COL6A5: variants seen among roughly 807,000 people sequenced by gnomAD.
COL6A5 encodes the protein collagen type VI alpha 5 chain.
COL6A5 carries 48 observed loss-of-function variants against 65.6 expected under a neutral mutation model. That is an observed-to-expected ratio of 0.73 (90% CI 0.58 to 0.93). The LOEUF (loss-of-function observed/expected upper bound fraction) is 0.93, where lower values mean the gene tolerates loss of function less well. Among genes scored for constraint, COL6A5 ranks in the 40% least tolerant of loss-of-function variants. COL6A5 has a pLI of 0.00. For synonymous variants in COL6A5, 291 were observed against 322.8 expected, an observed-to-expected ratio of 0.90 and a Z score of 1.05; for missense variants, 914 against 928.3, an observed-to-expected ratio of 0.98 and a Z score of 0.20.
exon 5 of COL6A5, chr3:130,384,815 A>G (rs1463536483): frequency 1.3e-6 from 2 of 1,544,106 alleles, no homozygotes; most frequent in South Asian, 2.4e-5. Context: ...CTGTGTGGAT[A>G]CAAAAGAGGC....
At chr3:130,400,416 G>C (rs1232793320) in intron 10 of COL6A5, among the ~76,000 whole-genome samples, 5 of 152,050 alleles carry the variant, frequency 3.3e-5, no homozygotes, top group Non-Finnish European at 7.4e-5. Flanking sequence ...TACATAATAG[G>C]CTCCTATTAA....
At chr3:130,351,958 C>G (rs1934733026) in intron 1 of COL6A5, among the ~76,000 whole-genome samples, 1 of 152,104 alleles carries the variant, frequency 6.6e-6, no homozygotes, top group African/African-American at 2.4e-5. Context: ...ACATATACAC[C>G]ATGGAATACT....
intron 4 of COL6A5, among the ~76,000 whole-genome samples, 171 bp from the exon 37 acceptor site, chr3:130,455,284 A>T (rs1709544835): frequency 6.6e-6 from 1 of 152,202 alleles, no homozygotes; most frequent in Non-Finnish European, 1.5e-5. Flanking sequence ...AGTTTTAAAA[A>T]ATAATATGTA....
At chr3:130,394,849 T>C in intron 7 of COL6A5, 41 bp from the exon 8 acceptor site, 2 of 1,468,620 alleles carry the variant, frequency 1.4e-6, no homozygotes, top group Non-Finnish European at 1.8e-6. Context: ...AAATTTCGAA[T>C]GATTCATGAG....
intron 5 of COL6A5, among the ~76,000 whole-genome samples, chr3:130,385,654 T>C (rs1031031650): frequency 6.6e-6 from 1 of 152,030 alleles, no homozygotes; most frequent in African/African-American, 2.4e-5. Flanking sequence ...AGAGAGATTC[T>C]ATTCTGCATG....
exon 3 of COL6A5, chr3:130,440,258 A>G (rs1241481627): frequency 6.2e-7 from 1 of 1,613,354 alleles, no homozygotes; most frequent in Non-Finnish European, 8.5e-7. Context: ...TTCTCGGAAT[A>G]TAGCAAAGGA....
rs552968906 is a variant in COL6A5, at chr3:130,411,284, G to A, written c.4662+760G>A. Reference sequence around the variant, plus strand: ...TGTATTAAAAACTCCTCTCTCATGCGCTCAGCATGGACATCATTAGAAGAG... The same window carrying A: ...TGTATTAAAAACTCCTCTCTCATGCACTCAGCATGGACATCATTAGAAGAG... On this transcript the variant is annotated intron_variant and NMD_transcript_variant, in intron 20 of 41. Coordinates refer to the COL6A5 transcript ENST00000312481. Among the ~76,000 whole-genome samples the A allele has an allele frequency of 3.9e-5, 6 of 152,292 alleles. 1 individual carries two copies. Among genetic ancestry groups the A allele is most frequent in the Middle Eastern group, 3.4e-3 (1 of 294 alleles).
Position 130,376,234 on chromosome 3 carries a change from T to C in COL6A5, c.68-3T>C, listed in dbSNP as rs754888354. On this transcript the variant is annotated splice_polypyrimidine_tract_variant and splice_region_variant and intron_variant and NMD_transcript_variant, in intron 2 of 41. Coordinates refer to the COL6A5 transcript ENST00000312481. ...GTTTTTGCTTGTTATTTTATTTTGA[T>C]AGGGCCAGGCCCTGTGTATGCAGAT... 55 of 1,553,086 alleles carry C rather than the reference T, an allele frequency of 3.5e-5. No homozygotes were observed. The highest frequency in any genetic ancestry group is 4.6e-5 in the Non-Finnish European group (53 of 1,152,890).
At chr3:130,347,978 A>G (rs902176093) in intron 1 of COL6A5, among the ~76,000 whole-genome samples, 4 of 152,142 alleles carry the variant, frequency 2.6e-5, no homozygotes, top group South Asian at 2.1e-4. Flanking sequence ...AGTTGCAAAC[A>G]TTTTTGTTGC....
In COL6A5 at chr3:130,373,602, C is replaced by T. The variant is rs1453773101; in HGVS notation, c.-28-9C>T. 11 of 1,282,654 alleles carry T rather than the reference C, an allele frequency of 8.6e-6. No individual in the cohort carries two copies. Among genetic ancestry groups the T allele is most frequent in the Non-Finnish European group, 1.2e-5 (11 of 912,716 alleles). The allele number at this position is 1,282,654 out of a possible 1,614,324, so 79.5% of individuals were successfully genotyped here. A position where few individuals can be genotyped will look rare whatever the true frequency, so the allele number is the denominator to read the frequency against. On this transcript the variant is annotated splice_polypyrimidine_tract_variant and intron_variant and NMD_transcript_variant, in intron 1 of 41. Transcript: ENST00000312481. Reference sequence around the variant, plus strand: ...AATTTTTCATAATGTAAATAATTTTCTTTTGCAGAACAAAAGTAAAAATCT... The same window carrying T: ...AATTTTTCATAATGTAAATAATTTTTTTTTGCAGAACAAAAGTAAAAATCT...
intron 24 of COL6A5, among the ~76,000 whole-genome samples, chr3:130,417,343 T>C (rs1315622995): frequency 3.0e-4 from 45 of 152,154 alleles, no homozygotes; most frequent in Admixed American, 2.9e-3. Context: ...GATTTTCATG[T>C]TAATTCCTCA....
At chr3:130,351,986 G>A (rs1456049004) in intron 1 of COL6A5, among the ~76,000 whole-genome samples, 1 of 152,122 alleles carries the variant, frequency 6.6e-6, no homozygotes, top group African/African-American at 2.4e-5. Flanking sequence ...CATAAAAAAG[G>A]ATGAGTTCAT....
In COL6A5 at chr3:130,367,666, C is replaced by A. The variant is rs537332697; in HGVS notation, c.-28-5945C>A. 1.3e-3 allele frequency among the ~76,000 whole-genome samples: 205 copies of A among 152,192 alleles called. 1 individual carries two copies. Among genetic ancestry groups the A allele is most frequent in the Non-Finnish European group, 2.1e-3 (143 of 68,032 alleles). ...AAACTGCCTACAAAAGTGCTAAGAA[C>A]ATTGTTGGCACTTGAGGAATATTTG... is the stretch of plus-strand genomic sequence containing the variant. On this transcript the variant is annotated intron_variant and NMD_transcript_variant, in intron 1 of 41. Transcript: ENST00000312481.
At chr3:130,439,657 A>T in intron 2 of COL6A5, 42 bp downstream of exon 34, 2 of 1,337,924 alleles carry the variant, frequency 1.5e-6, no homozygotes, top group Non-Finnish European at 2.1e-6. Context: ...AAGAGCTTAA[A>T]TGCCTTCTAG....
chr3:130,360,255 G>A (rs1430295072), intron 1 of COL6A5, among the ~76,000 whole-genome samples: 1 of 152,060 alleles, frequency 6.6e-6, no homozygotes. Context: ...AGGTACCAGT[G>A]CTGAGAATAT....
exon 4 of COL6A5, chr3:130,379,944 C>T: frequency 1.3e-6 from 2 of 1,551,276 alleles, no homozygotes; most frequent in Non-Finnish European, 1.7e-6. Context: ...CGCTGAAGTC[C>T]TATGCAGACT....
At chr3:130,444,898 C>T (rs537660798) in intron 4 of COL6A5, among the ~76,000 whole-genome samples, 1 of 152,272 alleles carries the variant, frequency 6.6e-6, no homozygotes, top group South Asian at 2.1e-4. Flanking sequence ...GACCATTTCC[C>T]ATGAATGATC....
chr3:130,479,428 A>AACAAAC (rs1326337204), intron 7 of COL6A5, among the ~76,000 whole-genome samples: 1 of 149,598 alleles, frequency 6.7e-6, no homozygotes, highest in Middle Eastern at 3.2e-3. Flanking sequence ...GCAAAACAAA[A>AACAAAC]ACAAAAACAA....
chr3:130,471,613 G>A (rs1263068117), intron 7 of COL6A5, 69 bp from the exon 40 acceptor site: 1 of 1,346,386 alleles, frequency 7.4e-7, no homozygotes, highest in African/African-American at 1.5e-5. Context: ...ATTATCTGGT[G>A]GTATTCACAT....
Sources: gnomAD v4.1 joint callset for allele counts (sites outside exome capture counted in the v4.1 genomes callset) on GRCh38, gnomAD v4.1.1 for gene constraint, MANE v1.5 for transcripts, NCBI Gene and HGNC (gene_info 2026-07-23, HGNC 2026-07-21) for gene names.